DTNB: variants seen among roughly 807,000 people sequenced by gnomAD.
DTNB encodes the protein dystrobrevin beta.
In DTNB, 63 loss-of-function variants were observed where a neutral mutation model predicts 90.7. That is an observed-to-expected ratio of 0.69 (90% CI 0.57 to 0.86). DTNB has a LOEUF of 0.86. Ranked by LOEUF, DTNB falls within the 40% of genes least tolerant of loss-of-function variation. DTNB has a pLI of 0.00. For synonymous variants in DTNB, 277 were observed against 286.7 expected (o/e 0.97, Z 0.34); for missense variants, 744 against 807.1 (o/e 0.92, Z 0.95).
intron 16 of DTNB, among the ~76,000 whole-genome samples, chr2:25,395,241 G>A (rs1283579625): frequency 1.3e-5 from 2 of 152,142 alleles, no homozygotes; most frequent in African/African-American, 4.8e-5. Flanking sequence ...AGGGTGGGGT[G>A]TGGAAAAGGA....
intron 12 of DTNB, among the ~76,000 whole-genome samples, chr2:25,444,672 A>C (rs1164201584): frequency 6.6e-6 from 1 of 152,132 alleles, no homozygotes; most frequent in Non-Finnish European, 1.5e-5. Context: ...ATCTAGGGAG[A>C]AGTTATGGCA....
chr2:25,672,301 G>A lies in DTNB; in HGVS notation c.-2+1085C>T, dbSNP rs556084286. 6.0e-5 allele frequency among the ~76,000 whole-genome samples: 9 copies of A among 149,074 alleles called. No homozygotes were observed. The South Asian group carries it at 1.9e-3, about 32-fold the overall frequency. On this transcript the variant is annotated intron_variant, in intron 1 of 20. Coordinates refer to ENST00000406818, the MANE Select transcript of DTNB (RefSeq NM_021907.5). ...AACCTTCCCTAACACTAGAGTGACT[G>A]ACACTGCTCCATGGCAAATGTGGCC...
chr2:25,657,011 T>C (rs1355645556), intron 1 of DTNB, among the ~76,000 whole-genome samples: 8 of 151,806 alleles, frequency 5.3e-5, no homozygotes, highest in African/African-American at 1.9e-4. Context: ...CAGTCTCTAC[T>C]AAAATACAAA....
intron 6 of DTNB, among the ~76,000 whole-genome samples, chr2:25,592,052 C>T (rs2063668207): frequency 7.7e-6 from 1 of 129,838 alleles, no homozygotes; most frequent in Non-Finnish European, 1.6e-5. Flanking sequence ...TAGAGTGAGA[C>T]TCCATCTCAA....
At chr2:25,634,467 G>T (rs1230068336) in intron 3 of DTNB, among the ~76,000 whole-genome samples, 1 of 149,454 alleles carries the variant, frequency 6.7e-6, no homozygotes, top group African/African-American at 2.4e-5. Context: ...CAGTCGCCCC[G>T]TCGGGGAGGT....
Position 25,658,272 on chromosome 2 carries a change from GA to G in DTNB, c.-1-5612del, listed in dbSNP as rs1021149931. On this transcript the variant is annotated intron_variant, in intron 1 of 20. Transcript: ENST00000406818. The stretch of plus-strand genomic sequence containing the variant: ...ACTCCATCTCAAAAAAAAAAAAAAA[GA>G]AAAAAAAATGCTAACAAGGATGCAG... 5.9e-3 allele frequency among the ~76,000 whole-genome samples: 863 copies of G among 145,798 alleles called. 7 individuals carry two copies. The highest frequency in any genetic ancestry group is 0.021 in the African/African-American group (814 of 39,686).
At chr2:25,381,406 G>A (rs2037721978) in intron 19 of DTNB, among the ~76,000 whole-genome samples, 1 of 152,028 alleles carries the variant, frequency 6.6e-6, no homozygotes, top group Admixed American at 6.6e-5. Flanking sequence ...TTTAGATAGG[G>A]CTTTGCTCTG....
chr2:25,566,868 A>C (rs747427783), intron 8 of DTNB, among the ~76,000 whole-genome samples: 1 of 152,190 alleles, frequency 6.6e-6, no homozygotes, highest in Non-Finnish European at 1.5e-5. Flanking sequence ...GCGGTGCTAA[A>C]GGGAAGTGAG....
intron 2 of DTNB, among the ~76,000 whole-genome samples, chr2:25,645,284 G>A (rs1056924208): frequency 2.1e-4 from 32 of 150,630 alleles, no homozygotes; most frequent in African/African-American, 7.6e-4. Context: ...TTGAGAGGGT[G>A]AGGCATGAGA....
At chr2:25,658,234 G>GA (rs904879318) in intron 1 of DTNB, among the ~76,000 whole-genome samples, 8 of 148,684 alleles carry the variant, frequency 5.4e-5, no homozygotes, top group African/African-American at 2.0e-4. Context: ...TCCAGCCTGG[G>GA]CAACAGAGTG....
At chr2:25,601,636 T>C (rs1479931734) in intron 5 of DTNB, among the ~76,000 whole-genome samples, 2 of 152,176 alleles carry the variant, frequency 1.3e-5, no homozygotes, top group Admixed American at 6.5e-5. Context: ...CTGTTTAGAC[T>C]GAAGAAATGA....
At chr2:25,561,878 C>T (rs2058322225) in intron 8 of DTNB, among the ~76,000 whole-genome samples, 2 of 152,156 alleles carry the variant, frequency 1.3e-5, no homozygotes, top group Admixed American at 1.3e-4. Context: ...TCAGGTATTC[C>T]TTTATAGTAA....
chr2:25,640,113 G>A (rs2077936728), intron 2 of DTNB, among the ~76,000 whole-genome samples: 2 of 152,186 alleles, frequency 1.3e-5, no homozygotes, highest in African/African-American at 2.4e-5. Flanking sequence ...AGGGGTAAGC[G>A]ATATATGGCC....
chr2:25,638,737 T>C (rs555548977), intron 3 of DTNB, among the ~76,000 whole-genome samples: 2 of 152,348 alleles, frequency 1.3e-5, no homozygotes, highest in East Asian at 3.9e-4. Flanking sequence ...ACATAAAGCA[T>C]TTCCTTAATA....
At chr2:25,641,099 C>T (rs935736295) in intron 2 of DTNB, among the ~76,000 whole-genome samples, 4 of 152,132 alleles carry the variant, frequency 2.6e-5, no homozygotes, top group South Asian at 2.1e-4. Flanking sequence ...GGTACAGTCA[C>T]GAATCAAGGG....
chr2:25,503,390 G>T (rs2071370604), intron 9 of DTNB, among the ~76,000 whole-genome samples: 1 of 151,894 alleles, frequency 6.6e-6, no homozygotes. Flanking sequence ...CTACTCAGGA[G>T]GCTGAGGTGG....
chr2:25,588,334 T>C (rs1168309378), intron 6 of DTNB, among the ~76,000 whole-genome samples: 1 of 152,214 alleles, frequency 6.6e-6, no homozygotes, highest in African/African-American at 2.4e-5. Context: ...AACATTGTCT[T>C]TAATGCCAAA....
chr2:25,612,410 G>A (rs1008729566), intron 4 of DTNB, among the ~76,000 whole-genome samples: 1 of 152,094 alleles, frequency 6.6e-6, no homozygotes, highest in African/African-American at 2.4e-5. Context: ...GAAGAAGACA[G>A]CCTAGAGAGA....
intron 10 of DTNB, among the ~76,000 whole-genome samples, chr2:25,467,299 C>CTTTTT (rs11345885): frequency 5.0e-5 from 6 of 120,142 alleles, no homozygotes; most frequent in African/African-American, 1.3e-4. Context: ...TTCTTTCTTT[C>CTTTTT]TTTTTTTTTT....
Sources: allele counts gnomAD v4.1 joint callset (sites outside exome capture counted in the v4.1 genomes callset), GRCh38; gene constraint gnomAD v4.1.1; transcripts MANE v1.5; gene names NCBI Gene and HGNC (gene_info 2026-07-23, HGNC 2026-07-21).